The following RASGRF2 variants were observed in gnomAD, a reference collection of about 807,000 sequenced individuals.
RASGRF2 encodes Ras protein specific guanine nucleotide releasing factor 2.
RASGRF2 carries 76 observed loss-of-function variants against 151.0 expected under a neutral mutation model. The ratio of observed to expected loss-of-function variants is 0.50; its 90% CI spans 0.42 to 0.61. RASGRF2 has a LOEUF of 0.61. Among genes scored for constraint, RASGRF2 ranks in the 20% least tolerant of loss-of-function variants. The probability of loss-of-function intolerance (pLI) is 0.00; values close to 1 mark genes in which losing one functional copy is unlikely to be tolerated. For synonymous variants in RASGRF2, 504 were observed against 566.5 expected, an observed-to-expected ratio of 0.89 and a Z score of 1.57; for missense variants, 1,148 against 1,564.6, an observed-to-expected ratio of 0.73 and a Z score of 4.49.
At chr5:81,055,634 G>A (rs1469463738) in intron 2 of RASGRF2, among the ~76,000 whole-genome samples, 5 of 152,162 alleles carry the variant, frequency 3.3e-5, no homozygotes, top group Non-Finnish European at 5.9e-5. Flanking sequence ...TCAGGATGAC[G>A]CTGGCATCAT....
At chr5:81,212,767 C>T (rs1330395795) in intron 23 of RASGRF2, among the ~76,000 whole-genome samples, 1 of 152,162 alleles carries the variant, frequency 6.6e-6, no homozygotes, top group Non-Finnish European at 1.5e-5. Context: ...TTCATTAAAG[C>T]ATTTTGGGGG....
chr5:81,119,161 G>C (rs756970135), intron 15 of RASGRF2, among the ~76,000 whole-genome samples: 2 of 152,146 alleles, frequency 1.3e-5, no homozygotes, highest in Non-Finnish European at 2.9e-5. Context: ...CCATTACCCA[G>C]TTCCAAAGCC....
intron 18 of RASGRF2, among the ~76,000 whole-genome samples, chr5:81,200,218 C>T (rs1755355608): frequency 6.6e-6 from 1 of 150,402 alleles, no homozygotes; most frequent in African/African-American, 2.5e-5. Context: ...CTGCAGTGAG[C>T]TATGATCACA....
At chr5:81,111,423 A>G (rs1446042355) in intron 13 of RASGRF2, among the ~76,000 whole-genome samples, 1 of 152,198 alleles carries the variant, frequency 6.6e-6, no homozygotes, top group Non-Finnish European at 1.5e-5. Context: ...TGACAAAAGC[A>G]GTGGATTGCA....
chr5:81,061,805 GC>G (rs1463840529), intron 2 of RASGRF2, among the ~76,000 whole-genome samples: 6 of 151,504 alleles, frequency 4.0e-5, no homozygotes, highest in Admixed American at 2.6e-4. Flanking sequence ...TCCCGCCTTG[GC>G]CCCCCAAGTA....
At chr5:81,038,318 G>A (rs1238823977) in intron 1 of RASGRF2, among the ~76,000 whole-genome samples, 1 of 152,130 alleles carries the variant, frequency 6.6e-6, no homozygotes, top group Non-Finnish European at 1.5e-5. Context: ...AATTTGTGCA[G>A]CCATAGTATA....
At chr5:81,111,262 G>C (rs557345890) in intron 13 of RASGRF2, among the ~76,000 whole-genome samples, 1 of 152,088 alleles carries the variant, frequency 6.6e-6, no homozygotes, top group Non-Finnish European at 1.5e-5. Flanking sequence ...ATTGATCGCC[G>C]GTCCTGAAAT....
intron 18 of RASGRF2, among the ~76,000 whole-genome samples, chr5:81,189,595 G>A (rs1755110009): frequency 6.6e-6 from 1 of 151,426 alleles, no homozygotes; most frequent in South Asian, 2.1e-4. Context: ...CTTGCCTCAA[G>A]TGATCCTTCC....
intron 1 of RASGRF2, among the ~76,000 whole-genome samples, chr5:80,992,103 A>G (rs910715313): frequency 7.1e-6 from 1 of 141,486 alleles, no homozygotes; most frequent in Non-Finnish European, 1.6e-5. Context: ...ATCCTGGACC[A>G]GAGAAGGCCC....
Position 81,212,451 on chromosome 5 carries a change from C to T in RASGRF2, c.3242C>T (p.Ala1081Val), listed in dbSNP as rs1359680355. ...ANAIEKWVAV[A>V]DICRCLHNYN... ...GCCATCGAGAAATGGGTGGCAGTGG[C>T]GGACATCTGCCGATGCCTGCACAAC... Residue 1081 changes from alanine (A) to valine (V), a missense_variant, in exon 23 of 27, where the codon GCG (alanine) becomes GTG (valine). Ala to Val is a moderately conservative substitution (Grantham distance 64). This residue lies in a region of RASGRF2 where 646 missense variants were observed against 807.4 expected (regional missense o/e 0.80). Transcript: ENST00000265080. 1.9e-6 allele frequency: 3 copies of T among 1,613,796 alleles called. No homozygotes were observed. The highest frequency in any genetic ancestry group is 1.1e-5 in the South Asian group (1 of 91,028).
chr5:81,193,093 G>A (rs1360540324), intron 18 of RASGRF2, among the ~76,000 whole-genome samples: 2 of 152,084 alleles, frequency 1.3e-5, no homozygotes, highest in Non-Finnish European at 2.9e-5. Context: ...GGAATATACT[G>A]TACTTATTAC....
chr5:81,074,653 T>G (rs889738524), intron 5 of RASGRF2, among the ~76,000 whole-genome samples: 1 of 152,194 alleles, frequency 6.6e-6, no homozygotes, highest in African/African-American at 2.4e-5. Flanking sequence ...TTTCTGAAGA[T>G]CTTTCCATAT....
At chr5:81,185,063 C>T (rs1448238925) in intron 18 of RASGRF2, among the ~76,000 whole-genome samples, 1 of 152,192 alleles carries the variant, frequency 6.6e-6, no homozygotes, top group Non-Finnish European at 1.5e-5. Flanking sequence ...GGCTCGGCCA[C>T]CTAAGCAAGA....
intron 1 of RASGRF2, among the ~76,000 whole-genome samples, chr5:80,990,462 C>T (rs1001731975): frequency 1.3e-5 from 2 of 152,122 alleles, no homozygotes; most frequent in Non-Finnish European, 2.9e-5. Context: ...AGGAAGAAGT[C>T]GTCTAGACCC....
chr5:81,051,207 T>C (rs1181135246), intron 2 of RASGRF2, among the ~76,000 whole-genome samples: 1 of 152,224 alleles, frequency 6.6e-6, no homozygotes. Context: ...ATCATTTTTT[T>C]GTCTTGTAGT....
intron 11 of RASGRF2, 31 bp from the exon 12 acceptor site, chr5:81,094,825 C>A: frequency 1.3e-6 from 2 of 1,560,634 alleles, no homozygotes; most frequent in Non-Finnish European, 1.8e-6. Context: ...TTTGTATTCT[C>A]ATCTAATTGT....
intron 2 of RASGRF2, among the ~76,000 whole-genome samples, chr5:81,054,261 C>G (rs921198708): frequency 4.6e-5 from 7 of 152,140 alleles, no homozygotes; most frequent in African/African-American, 1.4e-4. Flanking sequence ...GGTTTTAGGT[C>G]TAACATGTAA....
chr5:81,026,261 T>C (rs920658833), intron 1 of RASGRF2, among the ~76,000 whole-genome samples: 3 of 151,884 alleles, frequency 2.0e-5, no homozygotes, highest in Admixed American at 6.6e-5. Context: ...CTTCTCTTTT[T>C]TTTTCTTCCT....
At position 81,206,883 on chromosome 5, in the gene RASGRF2, A is replaced by C; in HGVS notation, c.2945A>C (p.Lys982Thr). 6.2e-7 allele frequency: 1 copy of C among 1,609,898 alleles called. No individual in the cohort carries two copies. The highest frequency in any genetic ancestry group is 1.1e-5 in the South Asian group (1 of 90,988). Residue 982 changes from lysine to threonine, a missense_variant, in exon 20 of 27, where the codon AAA (lysine) becomes ACA (threonine). This residue lies in a region of RASGRF2 where 646 missense variants were observed against 807.4 expected (regional missense o/e 0.80). Coordinates refer to ENST00000265080, the MANE Select transcript of RASGRF2 (RefSeq NM_006909.3). Reference sequence around the variant, plus strand: ...GATGACCAAGATGACATCCACCTAAAATTAGAGGATATAATTCAAATGGTA... The same window carrying C: ...GATGACCAAGATGACATCCACCTAACATTAGAGGATATAATTCAAATGGTA... ...SQDDQDDIHL[K>T]LEDIIQMTDC...
Sources: gnomAD v4.1 joint callset for allele counts (sites outside exome capture counted in the v4.1 genomes callset) on GRCh38, gnomAD v4.1.1 for gene constraint, gnomAD v4.1.1 regional missense constraint, MANE v1.5 for transcripts, NCBI Gene and HGNC (gene_info 2026-07-23, HGNC 2026-07-21) for gene names.